CCSER1: variants seen among roughly 807,000 people sequenced by gnomAD.
CCSER1 encodes the protein serine-rich coiled-coil domain-containing protein 1.
CCSER1 carries 41 observed loss-of-function variants against 82.0 expected under a neutral mutation model. The ratio of observed to expected loss-of-function variants is 0.50; its 90% CI spans 0.39 to 0.65. The LOEUF (loss-of-function observed/expected upper bound fraction) is 0.65. Among genes scored for constraint, CCSER1 ranks in the 30% least tolerant of loss-of-function variants. The probability of loss-of-function intolerance (pLI) is 0.00; values close to 1 mark genes in which losing one functional copy is unlikely to be tolerated. For missense variants in CCSER1, 1,119 were observed against 1,064.2 expected (o/e 1.05, Z -0.72); for synonymous variants, 414 against 383.9 (o/e 1.08, Z -0.92).
chr4:90,650,408 G>A (rs1426266968), intron 6 of CCSER1, among the ~76,000 whole-genome samples: 2 of 152,146 alleles, frequency 1.3e-5, no homozygotes, highest in Admixed American at 6.5e-5. Flanking sequence ...AACATGTTAA[G>A]ATAGTAACAG....
intron 6 of CCSER1, among the ~76,000 whole-genome samples, chr4:90,709,100 T>TA (rs1177156532): frequency 1.3e-5 from 2 of 152,166 alleles, no homozygotes; most frequent in African/African-American, 2.4e-5. Context: ...ACAGGATTAA[T>TA]GAAGTTATTT....
Position 90,247,212 on chromosome 4 carries a change from C to A in CCSER1, c.-41-61032C>A, listed in dbSNP as rs183904305. Among the ~76,000 whole-genome samples the A allele has an allele frequency of 2.0e-5, 3 of 152,176 alleles. No individual in the cohort carries two copies. In the East Asian group the frequency reaches 5.8e-4, roughly 29 times the overall value. On this transcript the variant is annotated intron_variant, in intron 1 of 10. Transcript: ENST00000509176. ...ATTCAAGTTAATATTTTTAGATTGC[C>A]ATTGGCAGCGAGTGACTGAAACTGT...
chr4:90,575,696 A>AT (rs113780858), intron 5 of CCSER1, among the ~76,000 whole-genome samples: 3,321 of 151,060 alleles, frequency 0.022, 123 homozygotes, highest in African/African-American at 0.071. Flanking sequence ...CTTTCCTCAA[A>AT]TTTTTTTTTC....
intron 10 of CCSER1, among the ~76,000 whole-genome samples, chr4:91,115,280 A>G (rs1285040202): frequency 6.6e-6 from 1 of 152,156 alleles, no homozygotes; most frequent in Non-Finnish European, 1.5e-5. Context: ...AAATGTACCC[A>G]GTTTGTACTC....
intron 6 of CCSER1, among the ~76,000 whole-genome samples, chr4:90,675,543 A>G (rs966323176): frequency 4.0e-5 from 6 of 151,774 alleles, no homozygotes; most frequent in Admixed American, 2.6e-4. Flanking sequence ...TTATGGGTAG[A>G]CCAATTTTTT....
At chr4:90,755,239 G>A (rs916934914) in intron 7 of CCSER1, among the ~76,000 whole-genome samples, 19 of 152,176 alleles carry the variant, frequency 1.2e-4, no homozygotes, top group African/African-American at 4.6e-4. Flanking sequence ...AAGAGGGGGT[G>A]CATATTGATA....
intron 8 of CCSER1, among the ~76,000 whole-genome samples, chr4:90,897,773 T>C (rs1044329669): frequency 1.3e-5 from 2 of 152,094 alleles, no homozygotes; most frequent in African/African-American, 4.8e-5. Context: ...TTTCTCCATA[T>C]GTATACCAAC....
At chr4:91,428,566 G>T (rs1754121696) in intron 10 of CCSER1, among the ~76,000 whole-genome samples, 1 of 151,964 alleles carries the variant, frequency 6.6e-6, no homozygotes, top group Admixed American at 6.6e-5. Context: ...GATGGTCTAG[G>T]TGCAGTCCCA....
intron 10 of CCSER1, among the ~76,000 whole-genome samples, chr4:91,210,980 A>C (rs763420053): frequency 6.6e-6 from 1 of 152,006 alleles, no homozygotes; most frequent in Admixed American, 6.6e-5. Flanking sequence ...TAGGAAAAAT[A>C]TTATTCTTAG....
At chr4:90,315,601 T>A (rs1736032780) in intron 3 of CCSER1, among the ~76,000 whole-genome samples, 2 of 152,232 alleles carry the variant, frequency 1.3e-5, no homozygotes, top group African/African-American at 4.8e-5. Context: ...CCTCCCCGGT[T>A]CAAGTGATTC....
At chr4:91,292,660 G>A (rs888282741) in intron 10 of CCSER1, among the ~76,000 whole-genome samples, 3 of 152,002 alleles carry the variant, frequency 2.0e-5, no homozygotes, top group African/African-American at 7.2e-5. Flanking sequence ...TGAATGGCAA[G>A]CCCTTAAATT....
At chr4:91,305,505 A>G (rs1054767996) in intron 10 of CCSER1, among the ~76,000 whole-genome samples, 10 of 152,130 alleles carry the variant, frequency 6.6e-5, no homozygotes, top group Non-Finnish European at 2.9e-5. Flanking sequence ...GAAAGGCTAT[A>G]AAATGTAATC....
At chr4:90,866,039 C>T (rs1465951413) in intron 8 of CCSER1, among the ~76,000 whole-genome samples, 1 of 151,864 alleles carries the variant, frequency 6.6e-6, no homozygotes, top group Non-Finnish European at 1.5e-5. Flanking sequence ...GCCAGGACAA[C>T]ACCCAGAGGA....
At chr4:90,923,834 T>C (rs1039411942) in intron 9 of CCSER1, among the ~76,000 whole-genome samples, 1 of 152,248 alleles carries the variant, frequency 6.6e-6, no homozygotes, top group Non-Finnish European at 1.5e-5. Context: ...CATTTTTATA[T>C]GCAGACACTT....
chr4:90,634,616 G>A (rs1249357488), intron 6 of CCSER1, among the ~76,000 whole-genome samples: 1 of 151,680 alleles, frequency 6.6e-6, no homozygotes, highest in Non-Finnish European at 1.5e-5. Context: ...TTTCCTATCA[G>A]CACATCTTGA....
chr4:91,280,687 T>C (rs976173076), intron 10 of CCSER1, among the ~76,000 whole-genome samples: 1 of 152,080 alleles, frequency 6.6e-6, no homozygotes, highest in Non-Finnish European at 1.5e-5. Context: ...ACAGGTGGTG[T>C]CTATAAGTGG....
chr4:90,277,674 TAACAC>T (rs1728086326), intron 1 of CCSER1, among the ~76,000 whole-genome samples: 1 of 152,038 alleles, frequency 6.6e-6, no homozygotes, highest in Non-Finnish European at 1.5e-5. Context: ...ATATGAAAGT[TAACAC>T]AAGATGGATT....
rs149009288 is a variant in CCSER1, at chr4:90,697,536, AC to A, written c.1933-26377del. The stretch of plus-strand genomic sequence containing the variant: ...CTGTAAGGAAATTATTTAAAAAAAA[AC>A]AATTCTTACCTACTTTTATTGAGAC... On this transcript the variant is annotated intron_variant, in intron 6 of 10. Transcript: ENST00000509176. Among the ~76,000 whole-genome samples the A allele has an allele frequency of 9.2e-3, 1,397 of 152,228 alleles. 18 individuals carry two copies. Among genetic ancestry groups the A allele is most frequent in the African/African-American group, 0.031 (1,300 of 41,532 alleles).
chr4:91,452,708 C>G (rs1229276545), intron 10 of CCSER1, among the ~76,000 whole-genome samples: 1 of 152,066 alleles, frequency 6.6e-6, no homozygotes, highest in Middle Eastern at 3.2e-3. Context: ...TTAGTCACAG[C>G]AAGTTCAATG....
Sources: gnomAD v4.1 joint callset for allele counts (sites outside exome capture counted in the v4.1 genomes callset) on GRCh38, gnomAD v4.1.1 for gene constraint, MANE v1.5 for transcripts, NCBI Gene and HGNC (gene_info 2026-07-23, HGNC 2026-07-21) for gene names.